CAMTA1: variants seen among roughly 807,000 people sequenced by gnomAD.
CAMTA1 encodes calmodulin-binding transcription activator 1.
Under a neutral mutation model 170.9 loss-of-function variants are expected in CAMTA1, and 27 were observed. That is an observed-to-expected ratio of 0.16 (90% CI 0.12 to 0.22). The LOEUF (loss-of-function observed/expected upper bound fraction) is 0.22. Ranked by LOEUF, CAMTA1 falls within the 10% of genes least tolerant of loss-of-function variation. The probability of loss-of-function intolerance (pLI) is 1.00; values close to 1 mark genes in which losing one functional copy is unlikely to be tolerated. For synonymous variants in CAMTA1, 833 were observed against 891.5 expected (o/e 0.93, Z 1.17); for missense variants, 1,619 against 2,217.2 (o/e 0.73, Z 5.42).
intron 5 of CAMTA1, among the ~76,000 whole-genome samples, chr1:7,440,939 C>T (rs1332061989): frequency 1.3e-5 from 2 of 152,190 alleles, no homozygotes; most frequent in African/African-American, 2.4e-5. Context: ...CCTCCTACCT[C>T]GTGCCCTTGC....
At chr1:7,403,844 C>T (rs1185454090) in intron 5 of CAMTA1, among the ~76,000 whole-genome samples, 3 of 152,134 alleles carry the variant, frequency 2.0e-5, no homozygotes, top group East Asian at 1.9e-4. Flanking sequence ...CCCCAAGGGA[C>T]GTACCAGGAC....
intron 6 of CAMTA1, among the ~76,000 whole-genome samples, chr1:7,492,766 CAT>C (rs1432071519): frequency 9.3e-6 from 1 of 108,102 alleles, no homozygotes. Flanking sequence ...CACAAACCTA[CAT>C]ACACAAGTGC....
intron 4 of CAMTA1, among the ~76,000 whole-genome samples, chr1:7,161,800 T>C (rs2148765118): frequency 6.6e-6 from 1 of 151,452 alleles, no homozygotes; most frequent in East Asian, 2.0e-4. Context: ...AAGGGTGGAG[T>C]GGTGAAGGAC....
At chr1:7,517,019 T>A (rs986747891) in intron 6 of CAMTA1, among the ~76,000 whole-genome samples, 5 of 152,224 alleles carry the variant, frequency 3.3e-5, no homozygotes, top group Non-Finnish European at 5.9e-5. Context: ...CAGATTTTAG[T>A]GTCTGAACTT....
intron 22 of CAMTA1, among the ~76,000 whole-genome samples, chr1:7,757,706 A>C (rs980476317): frequency 7.9e-5 from 12 of 152,294 alleles, no homozygotes; most frequent in African/African-American, 2.9e-4. Context: ...ACTGCACTCC[A>C]GCCTGGGCGA....
chr1:7,117,067 C>T (rs922178059), intron 4 of CAMTA1, among the ~76,000 whole-genome samples: 8 of 151,400 alleles, frequency 5.3e-5, no homozygotes, highest in Admixed American at 2.0e-4. Flanking sequence ...CTCCCAGGTT[C>T]AAGTGATCTC....
chr1:7,628,263 G>T (rs1471925509), intron 6 of CAMTA1, among the ~76,000 whole-genome samples: 2 of 152,184 alleles, frequency 1.3e-5, no homozygotes, highest in Non-Finnish European at 2.9e-5. Context: ...GAGCACCCCT[G>T]CCTCCAAGTG....
chr1:6,947,779 G>T (rs1687818225), intron 3 of CAMTA1, among the ~76,000 whole-genome samples: 1 of 152,006 alleles, frequency 6.6e-6, no homozygotes, highest in South Asian at 2.1e-4. Flanking sequence ...TCCTTTTGAT[G>T]CTATTACAGA....
rs1176074175 is a variant in CAMTA1, at chr1:7,286,614, G to C, written c.438+36988G>C. Among the ~76,000 whole-genome samples the C allele has an allele frequency of 6.6e-6, 1 of 152,196 alleles. No individual in the cohort carries two copies. The highest frequency in any genetic ancestry group is 1.5e-5 in the Non-Finnish European group (1 of 68,044). On this transcript the variant is annotated intron_variant, in intron 5 of 22. Coordinates refer to ENST00000303635, the MANE Select transcript of CAMTA1 (RefSeq NM_015215.4). The surrounding 1 kb of genome is among the most constrained non-coding windows in gnomAD (Gnocchi z 4.2). ...TTTTGGCAGCAATGCGTTTCTATAA[G>C]AAGTGGAGATATTTGGAGCTGCTGG...
At chr1:7,166,869 G>C (rs1046639689) in intron 4 of CAMTA1, among the ~76,000 whole-genome samples, 2 of 151,084 alleles carry the variant, frequency 1.3e-5, no homozygotes, top group African/African-American at 4.9e-5. Context: ...GGAGCGCAGT[G>C]GTGCAATCTT....
At chr1:7,066,665 A>G (rs935751990) in intron 3 of CAMTA1, among the ~76,000 whole-genome samples, 1 of 152,190 alleles carries the variant, frequency 6.6e-6, no homozygotes, top group South Asian at 2.1e-4. Context: ...TTAAATGTCC[A>G]TTTGTCTGTT....
intron 18 of CAMTA1, among the ~76,000 whole-genome samples, 157 bp downstream of exon 18, chr1:7,746,248 A>G (rs954830033): frequency 6.6e-6 from 1 of 152,242 alleles, no homozygotes. Flanking sequence ...GATTCACTAT[A>G]TAACATATCT....
intron 3 of CAMTA1, among the ~76,000 whole-genome samples, chr1:6,991,679 T>A (rs1336299881): frequency 6.6e-6 from 1 of 152,224 alleles, no homozygotes; most frequent in Non-Finnish European, 1.5e-5. Context: ...TTCATTTTTA[T>A]TTTTATTTAT....
Position 7,736,615 on chromosome 1 carries a change from C to A in CAMTA1, c.3263+75C>A. The A allele has an allele frequency of 2.2e-5, 31 of 1,428,142 alleles. 1 individual carries two copies. In the South Asian group the frequency reaches 3.5e-4, roughly 16 times the overall value. The allele number at this position is 1,428,142 out of a possible 1,614,324, so 88.5% of individuals were successfully genotyped here. ...CACATTCTTCCTGAGCACTGCCACC[C>A]GTGGAAGAAATCTACCCATTCAGTC... On this transcript the variant is annotated intron_variant, in intron 13 of 22. Coordinates refer to ENST00000303635, the MANE Select transcript of CAMTA1 (RefSeq NM_015215.4). This position sits in a 1 kb window ranked among gnomAD's most constrained non-coding sequence, Gnocchi z 4.5.
chr1:6,792,342 GTTT>G (rs75615458), intron 1 of CAMTA1, among the ~76,000 whole-genome samples: 1 of 134,070 alleles, frequency 7.5e-6, no homozygotes, highest in Admixed American at 7.5e-5. Flanking sequence ...GTGGTTTTGG[GTTT>G]TTTTTTTTTT....
chr1:7,012,809 G>A (rs935445676), intron 3 of CAMTA1, among the ~76,000 whole-genome samples: 2 of 152,142 alleles, frequency 1.3e-5, no homozygotes, highest in Admixed American at 6.5e-5. Context: ...CCACTTGTGT[G>A]CAGACTCACA....
chr1:7,572,179 C>T (rs112068441), intron 6 of CAMTA1, among the ~76,000 whole-genome samples: 3,030 of 152,170 alleles, frequency 0.02, 41 homozygotes, highest in African/African-American at 0.025. Flanking sequence ...TATGTTTTAA[C>T]GGGGTTGTTT....
In CAMTA1 at chr1:6,992,674, A is replaced by G. The variant is rs994707595; in HGVS notation, c.235-98630A>G. On this transcript the variant is annotated intron_variant, in intron 3 of 22. Transcript: ENST00000303635. ...AGGAGGGAAAGCAGGCACGTCTTAC[A>G]TGGCCAGAGCAGGAGGAAGAAAGTG... Among the ~76,000 whole-genome samples the G allele has an allele frequency of 4.6e-5, 7 of 152,346 alleles. No individual in the cohort carries two copies. The South Asian group carries it at 8.3e-4, about 18-fold the overall frequency.
chr1:7,535,572 A>C (rs932805705), intron 6 of CAMTA1, among the ~76,000 whole-genome samples: 1 of 152,226 alleles, frequency 6.6e-6, no homozygotes, highest in Non-Finnish European at 1.5e-5. Flanking sequence ...GGGAAACCTC[A>C]GCACTTTCTT....
Sources: gnomAD v4.1 joint callset for allele counts (sites outside exome capture counted in the v4.1 genomes callset) on GRCh38, gnomAD v4.1.1 for gene constraint, Gnocchi (gnomAD v3.1) non-coding constraint, MANE v1.5 for transcripts, NCBI Gene and HGNC (gene_info 2026-07-23, HGNC 2026-07-21) for gene names.